Variants in LAMA2 observed in about 807,000 individuals in gnomAD.
The protein encoded by LAMA2 is laminin subunit alpha-2.
LAMA2 carries 269 observed loss-of-function variants against 364.8 expected under a neutral mutation model. The ratio of observed to expected loss-of-function variants is 0.74; its 90% CI spans 0.67 to 0.82. The LOEUF (loss-of-function observed/expected upper bound fraction) is 0.82, where lower values mean the gene tolerates loss of function less well. Among genes scored for constraint, LAMA2 ranks in the 40% least tolerant of loss-of-function variants. LAMA2 has a pLI of 0.00. For synonymous variants in LAMA2, 1,379 were observed against 1,370.6 expected, an observed-to-expected ratio of 1.01 and a Z score of -0.14; for missense variants, 3,807 against 3,873.2, an observed-to-expected ratio of 0.98 and a Z score of 0.45.
intron 8 of LAMA2, chr6:129,157,657 T>A: frequency 6.2e-7 from 1 of 1,612,404 alleles, no homozygotes; most frequent in Non-Finnish European, 8.5e-7. Flanking sequence ...CATTCATCAC[T>A]GTTCCACCGA....
intron 3 of LAMA2, 59 bp from the exon 4 acceptor site, chr6:129,098,114 C>A: frequency 6.5e-7 from 1 of 1,541,816 alleles, no homozygotes; most frequent in Non-Finnish European, 9.0e-7. Flanking sequence ...TTATATTTGA[C>A]ATAAAATGAT....
At chr6:129,336,495 A>G (rs1775964793) in intron 29 of LAMA2, among the ~76,000 whole-genome samples, 1 of 152,218 alleles carries the variant, frequency 6.6e-6, no homozygotes, top group African/African-American at 2.4e-5. Flanking sequence ...ATGTACCAGG[A>G]CCAAAACAGG....
chr6:129,456,429 T>C lies in LAMA2; in HGVS notation c.6802T>C (p.Tyr2268His). ...ACACCATTCGACGTCTCCTCCAGGG[T>C]ACACGATTCTAGATGTGGATGCAAA... Reference protein sequence around the residue: ...STHHSTSPPGYTILDVDANAM... With the variant: ...STHHSTSPPGHTILDVDANAM... The change falls in exon 48 of 65, where the codon TAC (tyrosine) becomes CAC (histidine). Residue 2268 changes from tyrosine to histidine, a missense_variant. Tyr to His is a moderately conservative substitution (Grantham distance 83). Transcript: ENST00000421865. 6.2e-7 allele frequency: 1 copy of C among 1,613,610 alleles called. No individual in the cohort carries two copies. Among genetic ancestry groups the C allele is most frequent in the East Asian group, 2.2e-5 (1 of 44,844 alleles).
intron 1 of LAMA2, chr6:128,905,254 C>T (rs541505360): frequency 2.6e-5 from 4 of 152,182 alleles, no homozygotes; most frequent in South Asian, 2.1e-4. Context: ...ATTTCTGACA[C>T]GTATTTTGAT....
intron 30 of LAMA2, among the ~76,000 whole-genome samples, chr6:129,344,417 T>C (rs1776433504): frequency 6.6e-6 from 1 of 152,108 alleles, no homozygotes; most frequent in East Asian, 1.9e-4. Flanking sequence ...CCCCCAAAAA[T>C]GGTGGTGCTA....
At chr6:129,041,584 G>A (rs1282856958) in intron 1 of LAMA2, among the ~76,000 whole-genome samples, 4 of 152,174 alleles carry the variant, frequency 2.6e-5, no homozygotes, top group African/African-American at 4.8e-5. Flanking sequence ...CAAAGAATGA[G>A]ATAAATCTTA....
At chr6:128,970,674 T>A (rs1482755325) in intron 1 of LAMA2, among the ~76,000 whole-genome samples, 3 of 152,266 alleles carry the variant, frequency 2.0e-5, no homozygotes, top group Non-Finnish European at 4.4e-5. Flanking sequence ...AATCATATTC[T>A]AACTTATTCT....
intron 1 of LAMA2, among the ~76,000 whole-genome samples, chr6:128,917,655 TTTTCTC>T (rs1429377534): frequency 1.3e-5 from 2 of 151,666 alleles, no homozygotes; most frequent in Admixed American, 1.3e-4. Context: ...TCTTACAACT[TTTTCTC>T]TTTATTTTAT....
At chr6:129,098,705 T>G (rs1035594561) in intron 4 of LAMA2, among the ~76,000 whole-genome samples, 1 of 152,220 alleles carries the variant, frequency 6.6e-6, no homozygotes, top group Non-Finnish European at 1.5e-5. Context: ...CAATGAGGAT[T>G]GCTAATGATT....
intron 49 of LAMA2, among the ~76,000 whole-genome samples, chr6:129,463,177 T>A (rs1783347558): frequency 6.6e-6 from 1 of 151,986 alleles, no homozygotes; most frequent in Non-Finnish European, 1.5e-5. Flanking sequence ...GCATAATTAA[T>A]CTATACTAAC....
chr6:129,488,317 A>G (rs1784697936), intron 56 of LAMA2, among the ~76,000 whole-genome samples: 1 of 152,180 alleles, frequency 6.6e-6, no homozygotes, highest in African/African-American at 2.4e-5. Flanking sequence ...CTCGGAAAAA[A>G]CAAAACAAAA....
chr6:129,254,006 A>C (rs1786451766), intron 14 of LAMA2, among the ~76,000 whole-genome samples: 2 of 152,244 alleles, frequency 1.3e-5, no homozygotes, highest in African/African-American at 2.4e-5. Flanking sequence ...AGTCGGCATG[A>C]ATCTGGAGTC....
At chr6:129,494,046 C>G (rs1785022112) in intron 58 of LAMA2, among the ~76,000 whole-genome samples, 1 of 152,190 alleles carries the variant, frequency 6.6e-6, no homozygotes, top group African/African-American at 2.4e-5. Flanking sequence ...ATGAATATGT[C>G]TAAGGTTTTC....
At chr6:129,480,454 A>T (rs190419055) in intron 54 of LAMA2, among the ~76,000 whole-genome samples, 1 of 152,182 alleles carries the variant, frequency 6.6e-6, no homozygotes, top group African/African-American at 2.4e-5. Context: ...TATCTTCCAC[A>T]TATGTAAGAA....
At chr6:129,347,487 T>G (rs1776618768) in intron 30 of LAMA2, among the ~76,000 whole-genome samples, 2 of 152,022 alleles carry the variant, frequency 1.3e-5, no homozygotes, top group East Asian at 3.9e-4. Flanking sequence ...CAAAGGAAAC[T>G]GAAAAGGAAC....
chr6:129,087,746 C>T lies in LAMA2; in HGVS notation c.397-10427C>T, dbSNP rs368911205. Among the ~76,000 whole-genome samples, 32 of 151,556 alleles carry T rather than the reference C, an allele frequency of 2.1e-4. No individual in the cohort carries two copies. In the East Asian group the frequency reaches 2.9e-3, roughly 14 times the overall value. ...GGGTGATTAGGTCATGCATGGACTACAAGGGATCAAGTAGAAAAGGAGTGG... is the reference window on the plus strand; with the variant it reads ...GGGTGATTAGGTCATGCATGGACTATAAGGGATCAAGTAGAAAAGGAGTGG... On this transcript the variant is annotated intron_variant, in intron 3 of 64. Transcript: ENST00000421865.
rs1033430258 is a variant in LAMA2, at chr6:128,887,330, A to G, written c.112+3973A>G. Among the ~76,000 whole-genome samples, 10 of 152,284 alleles carry G rather than the reference A, an allele frequency of 6.6e-5. No individual in the cohort carries two copies. The East Asian group carries it at 1.9e-3, about 29-fold the overall frequency. The stretch of plus-strand genomic sequence containing the variant: ...GTTAACTTTTTGGCTTGTTTGCCAT[A>G]TACTGACCTAATCATTTAGTAAAAA... On this transcript the variant is annotated intron_variant, in intron 1 of 64. Transcript: ENST00000421865.
chr6:129,432,954 T>A (rs191124496), intron 41 of LAMA2, among the ~76,000 whole-genome samples: 1 of 152,260 alleles, frequency 6.6e-6, no homozygotes, highest in East Asian at 1.9e-4. Context: ...GCGAACAAGA[T>A]CTAATTTCTT....
At chr6:129,155,924 C>T (rs150893764) in intron 8 of LAMA2, among the ~76,000 whole-genome samples, 2 of 151,724 alleles carry the variant, frequency 1.3e-5, no homozygotes, top group African/African-American at 2.4e-5. Context: ...TGCTTAGACT[C>T]TATATACAAA....
Sources: allele counts gnomAD v4.1 joint callset (sites outside exome capture counted in the v4.1 genomes callset), GRCh38; gene constraint gnomAD v4.1.1; transcripts MANE v1.5; gene names NCBI Gene and HGNC (gene_info 2026-07-23, HGNC 2026-07-21).